The following SH3D19 variants were observed in gnomAD, a reference collection of about 807,000 sequenced individuals.
The protein encoded by SH3D19 is SH3 domain-containing protein 19.
In SH3D19, 58 loss-of-function variants were observed where a neutral mutation model predicts 112.1. The observed-to-expected ratio is 0.52, with a 90% confidence interval of 0.42 to 0.64. The LOEUF (loss-of-function observed/expected upper bound fraction) is 0.64, where lower values mean the gene tolerates loss of function less well. Among genes scored for constraint, SH3D19 ranks in the 30% least tolerant of loss-of-function variants. The pLI is 0.00. For synonymous variants in SH3D19, 391 were observed against 448.5 expected, an observed-to-expected ratio of 0.87 and a Z score of 1.62; for missense variants, 1,090 against 1,263.4, an observed-to-expected ratio of 0.86 and a Z score of 2.08.
intron 1 of SH3D19, among the ~76,000 whole-genome samples, chr4:151,320,942 A>T (rs1030975165): frequency 3.9e-5 from 6 of 152,146 alleles, no homozygotes; most frequent in Admixed American, 2.0e-4. Context: ...TGGGAGGCTG[A>T]GGCAGGAGAA....
intron 1 of SH3D19, among the ~76,000 whole-genome samples, chr4:151,296,815 G>C (rs1383805039): frequency 6.6e-6 from 1 of 152,096 alleles, no homozygotes; most frequent in Non-Finnish European, 1.5e-5. Context: ...GGGAAGATTT[G>C]TAAATTTAGT....
At chr4:151,269,315 T>A (rs1773056941) in intron 1 of SH3D19, among the ~76,000 whole-genome samples, 1 of 152,184 alleles carries the variant, frequency 6.6e-6, no homozygotes, top group Non-Finnish European at 1.5e-5. Context: ...TAAATTTGTT[T>A]GAGTTCATTG....
In SH3D19 at chr4:151,279,854, G is replaced by T. The variant is rs1034814369; in HGVS notation, c.112+45387C>A. Reference sequence around the variant, plus strand: ...TAGGTGGCCAGGATGCTGCTGCAGGGCGCTGGCCTTGGCAGGTCAGCCTAC... The same window carrying T: ...TAGGTGGCCAGGATGCTGCTGCAGGTCGCTGGCCTTGGCAGGTCAGCCTAC... On this transcript the variant is annotated intron_variant, in intron 1 of 19. Transcript: ENST00000604030. 5 of 1,600,132 alleles carry T rather than the reference G, an allele frequency of 3.1e-6. No homozygotes were observed. The African/African-American group carries it at 6.7e-5, about 22-fold the overall frequency.
At chr4:151,236,416 C>G (rs554511873) in intron 1 of SH3D19, among the ~76,000 whole-genome samples, 1 of 152,252 alleles carries the variant, frequency 6.6e-6, no homozygotes, top group Admixed American at 6.5e-5. Flanking sequence ...AAAGTCCCAC[C>G]GCGAGGGCCA....
intron 8 of SH3D19, among the ~76,000 whole-genome samples, chr4:151,164,581 ATTTT>A (rs529901482): frequency 7.0e-6 from 1 of 143,002 alleles, no homozygotes. Context: ...CGTTACACTA[ATTTT>A]TTTTTTTTTT....
Position 151,175,487 on chromosome 4 carries a change from T to C in SH3D19, c.717A>G (p.Arg239=), listed in dbSNP as rs1332983162. ...GACTTTGCTCTTTAATGTGAGAATCTCTGGGTATTGGTCTGAGGTTGCTTT... is the reference window on the plus strand; with the variant it reads ...GACTTTGCTCTTTAATGTGAGAATCCCTGGGTATTGGTCTGAGGTTGCTTT... The part of the protein sequence containing the change: ...RSKSNLRPIP[R]DSHIKEQSQQ... The change falls in exon 7 of 20, where the codon AGA becomes AGG. Residue 239 remains arginine, a synonymous_variant. Transcript: ENST00000604030. The C allele has an allele frequency of 6.8e-7, 1 of 1,471,156 alleles. No individual in the cohort carries two copies. The highest frequency in any genetic ancestry group is 2.7e-5 in the Admixed American group (1 of 37,020). The allele number at this position is 1,471,156 out of a possible 1,614,324, so 91.1% of individuals were successfully genotyped here. A position where few individuals can be genotyped will look rare whatever the true frequency, so the allele number is the denominator to read the frequency against.
Position 151,325,251 on chromosome 4 carries a change from G to C in SH3D19, c.102C>G (p.His34Gln), listed in dbSNP as rs955533761. Residue 34 changes from histidine (H) to glutamine (Q), a missense_variant, in exon 1 of 20, where the codon CAC becomes CAG. By Grantham distance (24) the His-to-Gln change is conservative (BLOSUM62 0). Transcript: ENST00000604030. ...CCCCGCGCCTCTCACCTGCGGCCGA[G>C]TGGCCCGAGAGCGCACGGCCCCGGG... is the stretch of plus-strand genomic sequence containing the variant. ...RRARGRALSG[H>Q]SAADRNERNK... The C allele has an allele frequency of 3.3e-6, 4 of 1,221,394 alleles. No individual in the cohort carries two copies. The highest frequency in any genetic ancestry group is 3.1e-5 in the African/African-American group (2 of 64,014). The allele number at this position is 1,221,394 out of a possible 1,614,324, so 75.7% of individuals were successfully genotyped here.
At chr4:151,296,030 G>A (rs1169039108) in intron 1 of SH3D19, among the ~76,000 whole-genome samples, 10 of 74,892 alleles carry the variant, frequency 1.3e-4, no homozygotes, top group African/African-American at 2.7e-4. Flanking sequence ...GCAAGGCTCC[G>A]TCTCAAAAAA....
At chr4:151,234,097 C>A (rs1769820716) in intron 1 of SH3D19, among the ~76,000 whole-genome samples, 1 of 152,160 alleles carries the variant, frequency 6.6e-6, no homozygotes. Context: ...TTGGTGTCAA[C>A]TTTCTCCTAA....
chr4:151,261,196 C>T (rs1005065331), intron 1 of SH3D19: 25 of 152,142 alleles, frequency 1.6e-4, no homozygotes, highest in African/African-American at 6.0e-4. Flanking sequence ...ATATCCAGAA[C>T]AATGGGCTCT....
intron 1 of SH3D19, among the ~76,000 whole-genome samples, chr4:151,302,023 T>C (rs953775058): frequency 9.2e-5 from 14 of 152,292 alleles, no homozygotes; most frequent in Non-Finnish European, 1.6e-4. Flanking sequence ...TAAATGACTT[T>C]GTTGTTCCCA....
chr4:151,297,243 A>G (rs187007020), intron 1 of SH3D19, among the ~76,000 whole-genome samples: 5 of 152,392 alleles, frequency 3.3e-5, no homozygotes, highest in African/African-American at 7.2e-5. Context: ...GCCTTCCAGG[A>G]TAATTATCCT....
intron 2 of SH3D19, among the ~76,000 whole-genome samples, chr4:151,221,450 T>C (rs1768027760): frequency 6.6e-6 from 1 of 152,224 alleles, no homozygotes; most frequent in African/African-American, 2.4e-5. Flanking sequence ...TCACCGCCAA[T>C]GTCAGCAGAT....
intron 1 of SH3D19, among the ~76,000 whole-genome samples, chr4:151,238,388 G>A (rs4696239): frequency 0.69 from 105,485 of 152,080 alleles, 41,797 homozygotes; most frequent in Non-Finnish European, 0.89. Context: ...GCCAAAGGAC[G>A]GATAACATCT....
rs183781051 is a variant in SH3D19, at chr4:151,205,592, C to T, written c.153-18129G>A. Among the ~76,000 whole-genome samples, 63 of 152,290 alleles carry T rather than the reference C, an allele frequency of 4.1e-4. 1 individual carries two copies. The East Asian group carries it at 0.011, about 27-fold the overall frequency. On this transcript the variant is annotated intron_variant, in intron 2 of 19. Transcript: ENST00000604030. ...GATTGGATGATCTCTATTCTACCCACTAGGTCTAAAATTTTTAAAATATGA... is the reference window on the plus strand; with the variant it reads ...GATTGGATGATCTCTATTCTACCCATTAGGTCTAAAATTTTTAAAATATGA...
Position 151,176,598 on chromosome 4 carries a change from C to T in SH3D19, c.465G>A (p.Arg155=), listed in dbSNP as rs189137173. The change falls in exon 6 of 20, where the codon AGG becomes AGA. Residue 155 remains arginine (R), a synonymous_variant. Transcript: ENST00000604030. Reference sequence around the variant, plus strand: ...TCTGAGTTGCAGAAGTAATAGTGTGCCTTGGAGTAGCAGCAGCATTATTAT... The same window carrying T: ...TCTGAGTTGCAGAAGTAATAGTGTGTCTTGGAGTAGCAGCAGCATTATTAT... ...TNNNNAAATP[R]HTITSATQTD... is the part of the protein sequence containing the mutation. 1 of 1,231,678 alleles carries T rather than the reference C, an allele frequency of 8.1e-7. No individual in the cohort carries two copies. Among genetic ancestry groups the T allele is most frequent in the Non-Finnish European group, 1.0e-6 (1 of 987,730 alleles). 76.3% of individuals were successfully genotyped at this position (1,231,678 alleles called of 1,614,324 possible). A position where few individuals can be genotyped will look rare whatever the true frequency, so the allele number is the denominator to read the frequency against.
At chr4:151,132,841 A>G (rs1751014430) in intron 16 of SH3D19, among the ~76,000 whole-genome samples, 193 bp downstream of exon 16, 1 of 152,152 alleles carries the variant, frequency 6.6e-6, no homozygotes, top group African/African-American at 2.4e-5. Context: ...TAATTACCTA[A>G]AATACCAAAA....
intron 3 of SH3D19, among the ~76,000 whole-genome samples, chr4:151,185,615 T>C (rs776188449): frequency 6.6e-6 from 1 of 152,178 alleles, no homozygotes; most frequent in Non-Finnish European, 1.5e-5. Context: ...TCTCATACCA[T>C]AGCATTCCCA....
intron 1 of SH3D19, chr4:151,227,849 G>A (rs2149952411): frequency 1.0e-6 from 1 of 985,394 alleles, no homozygotes; most frequent in Non-Finnish European, 1.2e-6. Flanking sequence ...GCATGTAATA[G>A]CAAATTTCCC....
Sources: gnomAD v4.1 joint callset for allele counts (sites outside exome capture counted in the v4.1 genomes callset) on GRCh38, gnomAD v4.1.1 for gene constraint, MANE v1.5 for transcripts, NCBI Gene and HGNC (gene_info 2026-07-23, HGNC 2026-07-21) for gene names.